Variants in CIITA observed in about 807,000 individuals in gnomAD.
The protein encoded by CIITA is class II major histocompatibility complex transactivator.
In CIITA, 72 loss-of-function variants were observed where a neutral mutation model predicts 115.1. The ratio of observed to expected loss-of-function variants is 0.63; its 90% CI spans 0.52 to 0.76. CIITA has a LOEUF of 0.76. Among genes scored for constraint, CIITA ranks in the 30% least tolerant of loss-of-function variants. The pLI is 0.00. For missense variants in CIITA, 1,617 were observed against 1,463.8 expected (o/e 1.10, Z -1.71); for synonymous variants, 763 against 635.6 (o/e 1.20, Z -3.02).
intron 15 of CIITA, among the ~76,000 whole-genome samples, chr16:10,918,203 ATGTTGT>A (rs2040063999): frequency 6.6e-6 from 1 of 152,182 alleles, no homozygotes; most frequent in Non-Finnish European, 1.5e-5. Context: ...AAAAGAGGGG[ATGTTGT>A]AAAGTCATGG....
chr16:10,885,705 T>G (rs1249214700), intron 1 of CIITA, among the ~76,000 whole-genome samples: 2 of 152,120 alleles, frequency 1.3e-5, no homozygotes, highest in Non-Finnish European at 2.9e-5. Flanking sequence ...CCTGGGCTCT[T>G]GGGCACAAAT....
chr16:10,941,581 C>A lies in CIITA; in HGVS notation n.707C>A. 1 of 1,460,098 alleles carries A rather than the reference C, an allele frequency of 6.8e-7. No individual in the cohort carries two copies. The highest frequency in any genetic ancestry group is 1.5e-5 in the South Asian group (1 of 68,262). 90.4% of individuals were successfully genotyped at this position (1,460,098 alleles called of 1,614,324 possible). The stretch of plus-strand genomic sequence containing the variant: ...AGAGGGCACTTACAGGCCTCGGAGG[C>A]AGGGGAGGGTCTCCTCCTGGGGAAC... On this transcript the variant is annotated non_coding_transcript_exon_variant, in exon 2 of 2. Transcript: ENST00000573379. The surrounding 1 kb of genome is among the most constrained non-coding windows in gnomAD (Gnocchi z 6.4).
chr16:10,883,979 C>A (rs1454245305), intron 1 of CIITA, among the ~76,000 whole-genome samples: 3 of 152,324 alleles, frequency 2.0e-5, no homozygotes, highest in Admixed American at 1.3e-4. Context: ...TTGTTATAAT[C>A]AATGAACCTA....
chr16:10,883,304 G>C (rs1199759689), intron 1 of CIITA, among the ~76,000 whole-genome samples: 2 of 152,206 alleles, frequency 1.3e-5, no homozygotes, highest in East Asian at 3.8e-4. Flanking sequence ...GTGGCATGCA[G>C]AAGGGAGGCT....
At chr16:10,904,325 G>C (rs949646006) in intron 9 of CIITA, among the ~76,000 whole-genome samples, 2 of 152,144 alleles carry the variant, frequency 1.3e-5, no homozygotes, top group Non-Finnish European at 2.9e-5. Context: ...AGGTTCAAGT[G>C]ATTCTCCTGC....
intron 16 of CIITA, 26 bp downstream of exon 16, chr16:10,918,552 A>C: frequency 6.2e-7 from 1 of 1,605,772 alleles, no homozygotes; most frequent in Non-Finnish European, 8.5e-7. Context: ...GATACCGGTC[A>C]GGTGCTGAGC....
intron 16 of CIITA, among the ~76,000 whole-genome samples, chr16:10,918,842 A>G (rs978392568): frequency 4.6e-5 from 7 of 152,148 alleles, no homozygotes; most frequent in African/African-American, 1.7e-4. Context: ...TTTTTCCGGA[A>G]CCTAGGGGTG....
chr16:10,867,215 G>C (rs1215192585), intron 1 of CIITA, among the ~76,000 whole-genome samples: 3 of 151,432 alleles, frequency 2.0e-5, no homozygotes, highest in East Asian at 3.9e-4. Context: ...CTGCACTCCA[G>C]TCTGGGCAAC....
At chr16:10,936,890 AT>A (rs1273168223), downstream of CIITA, 1 of 152,240 alleles carries the variant, frequency 6.6e-6, no homozygotes, top group Non-Finnish European at 1.5e-5. Context: ...AAAGCCGAGT[AT>A]GCTTTCAGAA....
intron 2 of CIITA, 71 bp downstream of exon 2, chr16:10,895,499 G>T (rs924534170): frequency 6.2e-7 from 1 of 1,602,218 alleles, no homozygotes; most frequent in African/African-American, 1.3e-5. Context: ...CGGCAATCAG[G>T]GGAAATTCTG....
upstream of CIITA, among the ~76,000 whole-genome samples, chr16:10,874,327 A>T (rs2035685082): frequency 6.6e-6 from 1 of 152,108 alleles, no homozygotes; most frequent in Non-Finnish European, 1.5e-5. Context: ...CAGGTGTTTC[A>T]ACAGAGAGGA....
At chr16:10,922,110 G>C in intron 16 of CIITA, 57 bp from the exon 17 acceptor site, 1 of 1,494,532 alleles carries the variant, frequency 6.7e-7, no homozygotes, top group East Asian at 2.3e-5. Flanking sequence ...GGTGGCTTCT[G>C]GAAGGCTGAC....
chr16:10,900,540 G>A (rs781781687), intron 5 of CIITA, among the ~76,000 whole-genome samples: 1 of 151,838 alleles, frequency 6.6e-6, no homozygotes, highest in Non-Finnish European at 1.5e-5. Flanking sequence ...AAGAGTTTGA[G>A]ACCAGCCTGG....
In CIITA at chr16:10,907,149, C is replaced by G. The variant is rs775249644; in HGVS notation, c.1657C>G (p.Leu553Val). Reference sequence around the variant, plus strand: ...CCTCACAGCCCGGCCCCGGGGCCGCCTGGTCCAGAGCCTGAGCAAGGCCGA... The same window carrying G: ...CCTCACAGCCCGGCCCCGGGGCCGCGTGGTCCAGAGCCTGAGCAAGGCCGA... ...LLLTARPRGR[L>V]VQSLSKADAL... Residue 553 changes from leucine (L) to valine (V), a missense_variant, in exon 11 of 20, where the codon CTG becomes GTG. Transcript: ENST00000324288. This position sits in a 1 kb window ranked among gnomAD's most constrained non-coding sequence, Gnocchi z 5.0. 6.2e-7 allele frequency: 1 copy of G among 1,612,894 alleles called. No homozygotes were observed. Among genetic ancestry groups the G allele is most frequent in the South Asian group, 1.1e-5 (1 of 91,054 alleles).
exon 1 of CIITA, chr16:10,866,274 G>A (rs757965821): frequency 1.8e-6 from 1 of 556,610 alleles, no homozygotes; most frequent in African/African-American, 1.9e-5. Context: ...CAGCTGCCCT[G>A]ACTCCAAGGG....
At chr16:10,892,186 T>C (rs1318857336) in intron 1 of CIITA, among the ~76,000 whole-genome samples, 1 of 151,984 alleles carries the variant, frequency 6.6e-6, no homozygotes, top group African/African-American at 2.4e-5. Flanking sequence ...TAGCCAGGCA[T>C]GGTGGCGGGT....
rs2038019341 is a variant in CIITA, at chr16:10,895,374, C to T, written c.145C>T (p.His49Tyr). Residue 49 changes from histidine to tyrosine, a missense_variant, in exon 2 of 20, where the codon CAC (histidine) becomes TAC (tyrosine). Transcript: ENST00000324288. ...NSDADPLCLY[H>Y]FYDQMDLAGE... ...CGATGCTGACCCCCTGTGCCTCTAC[C>T]ACTTCTATGACCAGATGGACCTGGC... 1.2e-6 allele frequency: 2 copies of T among 1,613,784 alleles called. No individual in the cohort carries two copies. The highest frequency in any genetic ancestry group is 2.7e-5 in the African/African-American group (2 of 74,914).
At chr16:10,893,337 G>T (rs2037785649) in intron 1 of CIITA, among the ~76,000 whole-genome samples, 1 of 152,146 alleles carries the variant, frequency 6.6e-6, no homozygotes, top group Non-Finnish European at 1.5e-5. Context: ...ACGGATCCTG[G>T]CAGGAGCCTT....
At chr16:10,915,777 C>T in intron 14 of CIITA, 127 bp downstream of exon 14, 2 of 850,308 alleles carry the variant, frequency 2.4e-6, no homozygotes, top group Non-Finnish European at 1.9e-6. Flanking sequence ...GTAGCTGGGA[C>T]CACAGGTGCA....
Sources: gnomAD v4.1 joint callset for allele counts (sites outside exome capture counted in the v4.1 genomes callset) on GRCh38, gnomAD v4.1.1 for gene constraint, Gnocchi (gnomAD v3.1) non-coding constraint, MANE v1.5 for transcripts, NCBI Gene and HGNC (gene_info 2026-07-23, HGNC 2026-07-21) for gene names.